UBE2D2: variants seen among roughly 807,000 people sequenced by gnomAD.
The protein encoded by UBE2D2 is ubiquitin conjugating enzyme E2 D2.
A neutral mutation model predicts 24.2 loss-of-function variants in UBE2D2; 2 were observed. The ratio of observed to expected loss-of-function variants is 0.08; its 90% CI spans 0.03 to 0.26. The LOEUF is 0.26. Among genes scored for constraint, UBE2D2 ranks in the 10% least tolerant of loss-of-function variants. The probability of loss-of-function intolerance (pLI) is 1.00; values close to 1 mark genes in which losing one functional copy is unlikely to be tolerated. For synonymous variants in UBE2D2, 58 were observed against 56.5 expected (o/e 1.03, Z -0.12); for missense variants, 44 against 177.6 (o/e 0.25, Z 4.28).
chr5:139,579,177 C>T (rs1222968405), intron 1 of UBE2D2, among the ~76,000 whole-genome samples: 1 of 151,296 alleles, frequency 6.6e-6, no homozygotes, highest in African/African-American at 2.4e-5. Flanking sequence ...GATGGAGTTA[C>T]GCTTTTGTTG....
intron 1 of UBE2D2, among the ~76,000 whole-genome samples, chr5:139,585,935 C>CAAAAAAAAA (rs60277561): frequency 2.7e-4 from 7 of 25,562 alleles, no homozygotes; most frequent in Admixed American, 4.8e-4. Context: ...GACTCTGTCT[C>CAAAAAAAAA]AAAAAAAAAA....
intron 1 of UBE2D2, among the ~76,000 whole-genome samples, chr5:139,564,052 C>G (rs926081817): frequency 6.6e-6 from 1 of 152,138 alleles, no homozygotes; most frequent in African/African-American, 2.4e-5. Context: ...AATACTTGCT[C>G]TGGTAATATA....
At chr5:139,552,168 TTTTTTTTTTTTTG>T (rs1752928146) in intron 1 of UBE2D2, among the ~76,000 whole-genome samples, 1 of 151,874 alleles carries the variant, frequency 6.6e-6, no homozygotes, top group Non-Finnish European at 1.5e-5. Context: ...GCTAACTTTT[TTTTTTTTTTTTTG>T]AGACGGAGTC....
chr5:139,555,052 T>G (rs998490696), intron 1 of UBE2D2: 2 of 144,598 alleles, frequency 1.4e-5, no homozygotes, highest in African/African-American at 2.6e-5. Flanking sequence ...TTGTTTTTTG[T>G]TTTTTTTTTT....
intron 1 of UBE2D2, among the ~76,000 whole-genome samples, chr5:139,583,442 A>C (rs957160439): frequency 1.3e-5 from 2 of 152,210 alleles, no homozygotes; most frequent in Non-Finnish European, 2.9e-5. Flanking sequence ...CATGTTGTGC[A>C]TGACAAATAT....
At position 139,561,742 on chromosome 5, in the gene UBE2D2, TTCCCCGCCCCC is replaced by T. The variant is rs1390815819; in HGVS notation, c.-49_-39del. The T allele has an allele frequency of 1.6e-5, 20 of 1,219,258 alleles. No homozygotes were observed. Among genetic ancestry groups the T allele is most frequent in the Non-Finnish European group, 2.1e-5 (19 of 903,464 alleles). 75.5% of individuals were successfully genotyped at this position (1,219,258 alleles called of 1,614,324 possible). On this transcript the variant is annotated 5_prime_UTR_variant, in exon 1 of 7. Coordinates refer to ENST00000398733, the MANE Select transcript of UBE2D2 (RefSeq NM_003339.3). ...GGCTCCCTAGCCCCTTCCCCGTCCC[TTCCCCGCCCCC>T]GTCCCCGCCCCGGGGGCCGCCGCCA... is the stretch of plus-strand genomic sequence containing the variant.
intron 2 of UBE2D2, among the ~76,000 whole-genome samples, chr5:139,611,823 A>G (rs967497296): frequency 6.6e-6 from 1 of 152,214 alleles, no homozygotes; most frequent in African/African-American, 2.4e-5. Context: ...CACACAAGTT[A>G]AAATGGAAAA....
intron 1 of UBE2D2, among the ~76,000 whole-genome samples, chr5:139,549,941 G>A (rs1752886833): frequency 6.6e-6 from 1 of 152,172 alleles, no homozygotes; most frequent in South Asian, 2.1e-4. Context: ...GTGGGGACTT[G>A]GAGAAACTTT....
intron 1 of UBE2D2, among the ~76,000 whole-genome samples, chr5:139,575,104 G>A (rs1753439287): frequency 6.6e-6 from 1 of 152,152 alleles, no homozygotes; most frequent in African/African-American, 2.4e-5. Flanking sequence ...CCACTTAGCA[G>A]TTTATTAGTT....
chr5:139,620,297 C>G (rs879468447), intron 5 of UBE2D2, among the ~76,000 whole-genome samples: 1 of 152,124 alleles, frequency 6.6e-6, no homozygotes, highest in East Asian at 1.9e-4. Context: ...TTCACAAGGT[C>G]CAGATAGCCA....
chr5:139,562,523 T>C (rs1010126493), intron 1 of UBE2D2: 1 of 1,088,328 alleles, frequency 9.2e-7, no homozygotes, highest in African/African-American at 1.7e-5. Flanking sequence ...ATAGAAAAGC[T>C]GTACATTGGC....
intron 1 of UBE2D2, among the ~76,000 whole-genome samples, chr5:139,552,138 C>CTA (rs1752927367): frequency 6.6e-6 from 1 of 151,656 alleles, no homozygotes; most frequent in Non-Finnish European, 1.5e-5. Flanking sequence ...AGATTAGCCT[C>CTA]TAATAGATAA....
chr5:139,552,691 T>C (rs1752937327), intron 1 of UBE2D2, among the ~76,000 whole-genome samples: 1 of 141,914 alleles, frequency 7.0e-6, no homozygotes, highest in African/African-American at 2.6e-5. Context: ...TTTTTTTTTT[T>C]TTTTTTTTGA....
At chr5:139,602,730 G>A (rs1426702399) in intron 2 of UBE2D2, among the ~76,000 whole-genome samples, 1 of 152,060 alleles carries the variant, frequency 6.6e-6, no homozygotes, top group Non-Finnish European at 1.5e-5. Flanking sequence ...AATGTGTCTG[G>A]TCTGCTAAAT....
At chr5:139,576,151 A>T (rs1484242219) in intron 1 of UBE2D2, among the ~76,000 whole-genome samples, 1 of 152,252 alleles carries the variant, frequency 6.6e-6, no homozygotes, top group East Asian at 1.9e-4. Context: ...TTACATATTT[A>T]TACCATCTGT....
At chr5:139,606,555 G>A (rs1006019762) in intron 2 of UBE2D2, among the ~76,000 whole-genome samples, 3 of 152,154 alleles carry the variant, frequency 2.0e-5, no homozygotes, top group South Asian at 4.1e-4. Flanking sequence ...AACAGATTAT[G>A]TAACTTTCAG....
rs1451235809 is a variant in UBE2D2, at chr5:139,564,469, T to C, written c.24+2654T>C. Among the ~76,000 whole-genome samples, 7 of 148,814 alleles carry C rather than the reference T, an allele frequency of 4.7e-5. No homozygotes were observed. The East Asian group carries it at 1.4e-3, about 30-fold the overall frequency. On this transcript the variant is annotated intron_variant, in intron 1 of 6. Transcript: ENST00000398733. ...GTGCCCGGCCTGAACTTTTTTTTTT[T>C]TGGAGACGGAGTCTCCCTCTGTCGC... is the stretch of plus-strand genomic sequence containing the variant.
At chr5:139,531,798 C>T (rs978703829) in intron 1 of UBE2D2, among the ~76,000 whole-genome samples, 9 of 151,774 alleles carry the variant, frequency 5.9e-5, no homozygotes, top group Admixed American at 5.3e-4. Context: ...CTTGTCTCTA[C>T]AAAAAATACA....
chr5:139,547,165 C>T (rs921016333), intron 1 of UBE2D2, among the ~76,000 whole-genome samples: 2 of 151,684 alleles, frequency 1.3e-5, no homozygotes, highest in Admixed American at 6.6e-5. Context: ...GTGGCGGGCG[C>T]CTGTAGTCCC....
Sources: gnomAD v4.1 joint callset for allele counts (sites outside exome capture counted in the v4.1 genomes callset) on GRCh38, gnomAD v4.1.1 for gene constraint, MANE v1.5 for transcripts, NCBI Gene and HGNC (gene_info 2026-07-23, HGNC 2026-07-21) for gene names.